The following RMST variants were observed in gnomAD, a reference collection of about 807,000 sequenced individuals.
RMST encodes the protein long intergenic non-protein coding RNA 54.
intron 5 of RMST, among the ~76,000 whole-genome samples, chr12:97,489,937 G>A (rs1876576796): frequency 2.0e-5 from 3 of 152,136 alleles, no homozygotes; most frequent in African/African-American, 7.2e-5. Context: ...GTCTAACTTG[G>A]AATAGGTAGC....
intron 5 of RMST, among the ~76,000 whole-genome samples, chr12:97,475,152 T>C (rs906818702): frequency 2.0e-5 from 3 of 152,200 alleles, no homozygotes; most frequent in African/African-American, 7.2e-5. Context: ...CAGTAATCAG[T>C]GAGTTTCTAC....
chr12:97,532,733 G>GT (rs2136595300), intron 11 of RMST: 1 of 143,250 alleles, frequency 7.0e-6, no homozygotes, highest in Admixed American at 7.2e-5. Context: ...AGGAATTAAC[G>GT]TTTTTTGGTA....
intron 11 of RMST, among the ~76,000 whole-genome samples, chr12:97,545,005 C>T (rs202086688): frequency 7.2e-5 from 11 of 152,050 alleles, no homozygotes; most frequent in South Asian, 4.1e-4. Flanking sequence ...ATATTCAATA[C>T]GTTGGAAGAG....
intron 11 of RMST, among the ~76,000 whole-genome samples, chr12:97,531,290 G>C (rs1421888863): frequency 6.6e-6 from 1 of 151,772 alleles, no homozygotes; most frequent in South Asian, 2.1e-4. Context: ...AATATGTAGA[G>C]GTTCTATTTT....
chr12:97,539,989 A>C (rs1316986240), intron 11 of RMST, among the ~76,000 whole-genome samples: 1 of 151,698 alleles, frequency 6.6e-6, no homozygotes, highest in Non-Finnish European at 1.5e-5. Flanking sequence ...TAAAGGCTGA[A>C]GGACTTAATC....
intron 10 of RMST, among the ~76,000 whole-genome samples, chr12:97,496,748 C>A (rs1318265344): frequency 1.3e-5 from 2 of 152,110 alleles, no homozygotes; most frequent in African/African-American, 4.8e-5. Flanking sequence ...AGCCCTGCTC[C>A]CTGAATAGTA....
At chr12:97,498,966 G>A (rs1418160781) in intron 10 of RMST, among the ~76,000 whole-genome samples, 1 of 152,140 alleles carries the variant, frequency 6.6e-6, no homozygotes, top group Non-Finnish European at 1.5e-5. Context: ...TGGCCTTCAG[G>A]AGCTCTCCTC....
At chr12:97,529,808 A>G (rs182818793) in intron 10 of RMST, among the ~76,000 whole-genome samples, 21 of 152,236 alleles carry the variant, frequency 1.4e-4, no homozygotes, top group Admixed American at 1.1e-3. Context: ...GTGTATATCA[A>G]TCGATCAATA....
chr12:97,473,454 A>G (rs1275985903), intron 5 of RMST, among the ~76,000 whole-genome samples: 1 of 152,130 alleles, frequency 6.6e-6, no homozygotes, highest in South Asian at 2.1e-4. Flanking sequence ...TAGTTTGGAC[A>G]TGAATGTAAA....
intron 11 of RMST, among the ~76,000 whole-genome samples, chr12:97,542,461 G>T (rs1882620520): frequency 6.6e-6 from 1 of 151,874 alleles, no homozygotes; most frequent in South Asian, 2.1e-4. Flanking sequence ...TCGAAAAAGA[G>T]AAAATAATAC....
At chr12:97,474,624 C>CA (rs34888626) in intron 5 of RMST, among the ~76,000 whole-genome samples, 7,176 of 55,630 alleles carry the variant, frequency 0.13, 329 homozygotes, top group South Asian at 0.17. Flanking sequence ...AAAAAGAAGC[C>CA]AAAAAAAAAA....
intron 10 of RMST, among the ~76,000 whole-genome samples, chr12:97,528,300 G>A (rs1163559700): frequency 2.0e-5 from 3 of 152,056 alleles, no homozygotes; most frequent in African/African-American, 4.8e-5. Context: ...GTCATAAAAA[G>A]TTGGTTTTAT....
chr12:97,494,313 T>C (rs575509528), intron 8 of RMST, among the ~76,000 whole-genome samples: 16 of 152,244 alleles, frequency 1.1e-4, no homozygotes, highest in Non-Finnish European at 1.3e-4. Flanking sequence ...AAGTAGAAAA[T>C]TGACAAATTA....
chr12:97,500,941 C>T (rs925575734), intron 10 of RMST, among the ~76,000 whole-genome samples: 9 of 152,204 alleles, frequency 5.9e-5, no homozygotes, highest in Non-Finnish European at 1.5e-5. Context: ...ATACAAGACA[C>T]AAACTCAATT....
chr12:97,515,519 A>G (rs1879836097), intron 10 of RMST, among the ~76,000 whole-genome samples: 2 of 152,086 alleles, frequency 1.3e-5, no homozygotes, highest in Non-Finnish European at 2.9e-5. Flanking sequence ...GACCTTGCCA[A>G]TTTCTTCATC....
intron 10 of RMST, among the ~76,000 whole-genome samples, chr12:97,501,028 G>A (rs1301564180): frequency 6.6e-6 from 1 of 152,310 alleles, no homozygotes; most frequent in African/African-American, 2.4e-5. Context: ...TGCTCACAAT[G>A]TCTGTGCCTA....
At chr12:97,513,042 C>T (rs933787035) in intron 10 of RMST, among the ~76,000 whole-genome samples, 4 of 152,202 alleles carry the variant, frequency 2.6e-5, no homozygotes, top group Admixed American at 1.3e-4. Flanking sequence ...CTGCGGGGTC[C>T]GCCGAGCCCA....
chr12:97,532,521 T>C (rs944059217), intron 11 of RMST, among the ~76,000 whole-genome samples: 3 of 151,896 alleles, frequency 2.0e-5, no homozygotes, highest in Non-Finnish European at 2.9e-5. Flanking sequence ...TATGTTGTTA[T>C]TTTAACCTAA....
intron 10 of RMST, among the ~76,000 whole-genome samples, chr12:97,508,233 G>A (rs1204113448): frequency 6.6e-5 from 10 of 152,164 alleles, no homozygotes; most frequent in South Asian, 2.1e-4. Flanking sequence ...TAAGGCTTTC[G>A]AGAAAGTGAG....
Sources: allele counts gnomAD v4.1 joint callset (sites outside exome capture counted in the v4.1 genomes callset), GRCh38; gene constraint gnomAD v4.1.1; transcripts MANE v1.5; gene names NCBI Gene and HGNC (gene_info 2026-07-23, HGNC 2026-07-21).